The following PARN variants were observed in gnomAD, a reference collection of about 807,000 sequenced individuals.
The protein encoded by PARN is poly(A)-specific ribonuclease PARN.
In PARN, 71 loss-of-function variants were observed where a neutral mutation model predicts 102.8. The ratio of observed to expected loss-of-function variants is 0.69; its 90% confidence interval spans 0.57 to 0.84. The LOEUF (loss-of-function observed/expected upper bound fraction) is 0.84. PARN is among the 40% of genes least tolerant of loss of function. The pLI, the probability that PARN is intolerant of heterozygous loss-of-function variation, is 0.00. For synonymous variants in PARN, 261 were observed against 252.9 expected, an observed-to-expected ratio of 1.03 and a Z score of -0.30; for missense variants, 782 against 760.9, an observed-to-expected ratio of 1.03 and a Z score of -0.33.
At chr16:14,580,733 A>T (rs1234689439) in intron 18 of PARN, 141 bp downstream of exon 18, 5 of 527,728 alleles carry the variant, frequency 9.5e-6, no homozygotes, top group African/African-American at 7.5e-5. Flanking sequence ...CTACTTTCAA[A>T]AAACATGTGA....
At chr16:14,486,758 G>A (rs1963723126) in intron 21 of PARN, among the ~76,000 whole-genome samples, 2 of 152,232 alleles carry the variant, frequency 1.3e-5, no homozygotes, top group Non-Finnish European at 2.9e-5. Context: ...TCTAATGGAT[G>A]AATCAGCAAA....
intron 18 of PARN, among the ~76,000 whole-genome samples, chr16:14,573,690 G>A (rs1968946306): frequency 6.6e-6 from 1 of 152,034 alleles, no homozygotes; most frequent in Non-Finnish European, 1.5e-5. Context: ...AATTATGGGG[G>A]CGGATCTTTC....
chr16:14,486,716 C>T (rs1963720705), intron 21 of PARN, among the ~76,000 whole-genome samples: 1 of 152,246 alleles, frequency 6.6e-6, no homozygotes, highest in Non-Finnish European at 1.5e-5. Flanking sequence ...GGCCTTTAAT[C>T]TAGAAGCCAA....
At chr16:14,581,764 T>C (rs1296344513) in intron 17 of PARN, among the ~76,000 whole-genome samples, 3 of 152,018 alleles carry the variant, frequency 2.0e-5, no homozygotes, top group Non-Finnish European at 4.4e-5. Context: ...TATAAAAAAA[T>C]TAAAAAGTTA....
At chr16:14,495,017 A>G (rs1345763509) in intron 21 of PARN, among the ~76,000 whole-genome samples, 2 of 152,132 alleles carry the variant, frequency 1.3e-5, no homozygotes, top group Non-Finnish European at 2.9e-5. Context: ...GCCCTGAGAA[A>G]GAATGGAATT....
chr16:14,553,256 T>TAAAAAAAAAAAAAAAAAAAAAAAA (rs58411352), intron 20 of PARN, among the ~76,000 whole-genome samples: 1 of 117,472 alleles, frequency 8.5e-6, no homozygotes, highest in Non-Finnish European at 1.7e-5. Flanking sequence ...TATTTCTATT[T>TAAAAAAAAAAAAAAAAAAAAAAAA]AAAAAAAAAA....
chr16:14,623,147 A>G (rs993470724), intron 5 of PARN, among the ~76,000 whole-genome samples: 8 of 152,058 alleles, frequency 5.3e-5, no homozygotes, highest in East Asian at 1.9e-4. Flanking sequence ...GCATATGTCT[A>G]TATGTATACA....
chr16:14,517,773 G>C (rs1223906234), intron 21 of PARN, among the ~76,000 whole-genome samples: 3 of 152,132 alleles, frequency 2.0e-5, no homozygotes, highest in African/African-American at 4.8e-5. Flanking sequence ...CTACCTCCCA[G>C]GTTCAAGTGA....
chr16:14,577,622 C>T (rs764425846), intron 18 of PARN, among the ~76,000 whole-genome samples: 3 of 152,090 alleles, frequency 2.0e-5, no homozygotes, highest in Non-Finnish European at 4.4e-5. Context: ...GCATGAGCCA[C>T]GGCACCTGGT....
At chr16:14,563,522 G>GTGTGTATATA (rs1423811963) in intron 18 of PARN, among the ~76,000 whole-genome samples, 16 of 149,146 alleles carry the variant, frequency 1.1e-4, no homozygotes, top group African/African-American at 2.0e-4. Context: ...GTGTGTGTGT[G>GTGTGTATATA]TATATAATTC....
chr16:14,443,227 G>T (rs1961023773), intron 23 of PARN, among the ~76,000 whole-genome samples: 1 of 152,100 alleles, frequency 6.6e-6, no homozygotes. Context: ...ATCTGGGATT[G>T]GGTCTAGTAC....
chr16:14,536,914 G>C (rs1966633631), intron 21 of PARN, among the ~76,000 whole-genome samples: 1 of 152,082 alleles, frequency 6.6e-6, no homozygotes, highest in South Asian at 2.1e-4. Flanking sequence ...AGACTTCGAA[G>C]CACAGGCAAC....
At chr16:14,595,511 T>C (rs1272489588) in intron 12 of PARN, among the ~76,000 whole-genome samples, 1 of 152,106 alleles carries the variant, frequency 6.6e-6, no homozygotes, top group African/African-American at 2.4e-5. Context: ...ACCACAGGCA[T>C]GTGCCACCAC....
At chr16:14,525,310 G>T (rs1219324845) in intron 21 of PARN, among the ~76,000 whole-genome samples, 2 of 152,222 alleles carry the variant, frequency 1.3e-5, no homozygotes, top group African/African-American at 4.8e-5. Flanking sequence ...TGCCTAGTTT[G>T]AAGTTGTCCA....
At chr16:14,521,690 C>T (rs1037598768) in intron 21 of PARN, among the ~76,000 whole-genome samples, 4 of 151,552 alleles carry the variant, frequency 2.6e-5, no homozygotes, top group Non-Finnish European at 5.9e-5. Flanking sequence ...CCCAGCTACA[C>T]GGGAGGGAGG....
intron 21 of PARN, among the ~76,000 whole-genome samples, chr16:14,488,629 C>T (rs575960514): frequency 3.3e-5 from 5 of 152,212 alleles, no homozygotes; most frequent in South Asian, 4.2e-4. Flanking sequence ...CAGAGATGCT[C>T]GGCCACAGAC....
chr16:14,615,735 T>C (rs1161064796), intron 6 of PARN, among the ~76,000 whole-genome samples: 1 of 152,044 alleles, frequency 6.6e-6, no homozygotes, highest in African/African-American at 2.4e-5. Context: ...ACCCCATCGC[T>C]ACTAAAAATA....
intron 21 of PARN, among the ~76,000 whole-genome samples, chr16:14,485,833 G>A (rs1185923484): frequency 2.0e-5 from 3 of 152,010 alleles, no homozygotes; most frequent in East Asian, 1.9e-4. Context: ...AACTATAGGC[G>A]TGCGCCACGA....
chr16:14,565,318 C>T (rs142754131), intron 18 of PARN, among the ~76,000 whole-genome samples: 241 of 152,074 alleles, frequency 1.6e-3, no homozygotes, highest in African/African-American at 5.7e-3. Context: ...TTCAATCTAG[C>T]CACTTGCTGT....
Sources: allele counts gnomAD v4.1 joint callset (sites outside exome capture counted in the v4.1 genomes callset), GRCh38; gene constraint gnomAD v4.1.1; transcripts MANE v1.5; gene names NCBI Gene and HGNC (gene_info 2026-07-23, HGNC 2026-07-21).